Variants in CPEB1 observed in about 807,000 individuals in gnomAD.
The protein encoded by CPEB1 is cytoplasmic polyadenylation element binding protein 1.
A neutral mutation model predicts 65.8 loss-of-function variants in CPEB1; 7 were observed. The ratio of observed to expected loss-of-function variants is 0.11; its 90% confidence interval spans 0.06 to 0.20. The LOEUF is 0.20. Ranked by LOEUF, CPEB1 falls within the 10% of genes least tolerant of loss-of-function variation. The pLI, the probability that CPEB1 is intolerant of heterozygous loss-of-function variation, is 1.00. For synonymous variants in CPEB1, 262 were observed against 260.0 expected (o/e 1.01, Z -0.08); for missense variants, 551 against 712.2 (o/e 0.77, Z 2.58).
At chr15:82,625,537 C>T (rs896209079) in intron 3 of CPEB1, among the ~76,000 whole-genome samples, 1 of 152,162 alleles carries the variant, frequency 6.6e-6, no homozygotes, top group Non-Finnish European at 1.5e-5. Context: ...TCCAGGACCC[C>T]CAGAGTATAC....
Position 82,555,910 on chromosome 15 carries a change from G to A in CPEB1, c.900C>T (p.Phe300=). Residue 300 remains phenylalanine (F), a synonymous_variant, in exon 6 of 13, where the codon TTC becomes TTT. Transcript: ENST00000684509. Reference sequence around the variant, plus strand: ...GCAGCCTGGCCTCTCTCTCTATGCTGAAGGGGTCTTTGGGAGCTTCGAGGA... The same window carrying A: ...GCAGCCTGGCCTCTCTCTCTATGCTAAAGGGGTCTTTGGGAGCTTCGAGGA... ...WDLLEAPKDP[F]SIEREARLHR... 2 of 1,613,828 alleles carry A rather than the reference G, an allele frequency of 1.2e-6. No individual in the cohort carries two copies.
intron 3 of CPEB1, among the ~76,000 whole-genome samples, chr15:82,623,327 T>G (rs2045481721): frequency 6.6e-6 from 1 of 152,190 alleles, no homozygotes; most frequent in Non-Finnish European, 1.5e-5. Context: ...ACACACCATT[T>G]GAAAATTTAT....
intron 3 of CPEB1, among the ~76,000 whole-genome samples, chr15:82,605,421 G>T (rs947260374): frequency 7.9e-5 from 12 of 152,058 alleles, no homozygotes; most frequent in African/African-American, 2.7e-4. Context: ...TGGTAAAAGG[G>T]TACAAAGTTT....
intron 1 of CPEB1, chr15:82,629,895 C>T: frequency 1.0e-6 from 1 of 985,412 alleles, no homozygotes; most frequent in African/African-American, 1.7e-5. Context: ...AGCCTCACGT[C>T]AGCCTCAAGT....
intron 8 of CPEB1, among the ~76,000 whole-genome samples, chr15:82,553,234 A>T (rs1199298000): frequency 2.0e-5 from 3 of 152,178 alleles, no homozygotes; most frequent in Admixed American, 6.5e-5. Flanking sequence ...GGGGTTTCAG[A>T]GGCAACTCCC....
At chr15:82,633,966 A>T (rs1387732237) in intron 1 of CPEB1, among the ~76,000 whole-genome samples, 1 of 145,788 alleles carries the variant, frequency 6.9e-6, no homozygotes, top group Admixed American at 6.9e-5. Flanking sequence ...TAAAGGTATA[A>T]AAAAAAAAAA....
intron 1 of CPEB1, chr15:82,637,913 GATTT>G (rs765796335): frequency 2.4e-6 from 1 of 423,822 alleles, no homozygotes; most frequent in East Asian, 7.1e-5. Context: ...AAAAGGGGTA[GATTT>G]ATTAACCATT....
intron 3 of CPEB1, among the ~76,000 whole-genome samples, chr15:82,613,807 C>CA (rs896881182): frequency 2.6e-5 from 4 of 152,264 alleles, no homozygotes; most frequent in African/African-American, 4.8e-5. Flanking sequence ...ACAAGCTCCC[C>CA]CCGGGGAGAG....
chr15:82,604,798 T>C (rs1567215516), intron 3 of CPEB1, among the ~76,000 whole-genome samples: 1 of 151,808 alleles, frequency 6.6e-6, no homozygotes, highest in Non-Finnish European at 1.5e-5. Flanking sequence ...AAGATACACA[T>C]ATTAGAAGTC....
intron 3 of CPEB1, among the ~76,000 whole-genome samples, chr15:82,576,309 A>G (rs1363575210): frequency 6.6e-6 from 1 of 152,204 alleles, no homozygotes; most frequent in Non-Finnish European, 1.5e-5. Flanking sequence ...CAGGTAGATT[A>G]GGAAGGGGTA....
chr15:82,579,356 G>A (rs544874077), intron 3 of CPEB1, among the ~76,000 whole-genome samples: 1 of 152,126 alleles, frequency 6.6e-6, no homozygotes, highest in Non-Finnish European at 1.5e-5. Context: ...AGCTACTGAG[G>A]AGGTTGAGGC....
At chr15:82,558,763 G>C (rs546883284) in intron 4 of CPEB1, among the ~76,000 whole-genome samples, 2 of 152,146 alleles carry the variant, frequency 1.3e-5, no homozygotes, top group Non-Finnish European at 2.9e-5. Context: ...CAGATGGAAA[G>C]AGCTCAGCAC....
chr15:82,647,890 G>A, upstream of CPEB1: 2 of 1,237,814 alleles, frequency 1.6e-6, no homozygotes, highest in Non-Finnish European at 2.0e-6. Flanking sequence ...GTGGCCCTGC[G>A]GGGCTGACGG....
intron 1 of CPEB1, among the ~76,000 whole-genome samples, chr15:82,644,606 G>A (rs1368619918): frequency 6.6e-6 from 1 of 152,134 alleles, no homozygotes; most frequent in African/African-American, 2.4e-5. Flanking sequence ...AGCCAGTTTA[G>A]AAGCAAGTCA....
At chr15:82,546,578 G>C (rs926983083) in intron 11 of CPEB1, 57 bp from the exon 12 acceptor site, 10 of 1,293,860 alleles carry the variant, frequency 7.7e-6, no homozygotes, top group South Asian at 4.8e-5. Flanking sequence ...AGGCTCGATA[G>C]GCGATAGAAG....
rs560796302 is a variant in CPEB1 at position 82,629,508 on chromosome 15, T to C, written c.-97-952A>G. On this transcript the variant is annotated intron_variant, in intron 1 of 12. Transcript: ENST00000684509. ...CAAAAACTATTCTTTTGGTATTCCC[T>C]ATCTCGGTAAATAACACCACCATCC... is the stretch of plus-strand genomic sequence containing the variant. 8.1e-6 allele frequency: 8 copies of C among 985,382 alleles called. No individual in the cohort carries two copies. In the East Asian group the frequency reaches 9.1e-4, roughly 112 times the overall value. 61.0% of individuals were successfully genotyped at this position (985,382 alleles called of 1,614,324 possible). A position where few individuals can be genotyped will look rare whatever the true frequency, so the allele number is the denominator to read the frequency against.
intron 1 of CPEB1, among the ~76,000 whole-genome samples, chr15:82,635,050 T>C (rs1173893632): frequency 1.3e-5 from 2 of 152,164 alleles, no homozygotes; most frequent in African/African-American, 4.8e-5. Context: ...AGATGGGGTT[T>C]CGCCATGTTG....
intron 3 of CPEB1, among the ~76,000 whole-genome samples, chr15:82,621,448 C>A (rs934264534): frequency 6.6e-6 from 1 of 152,030 alleles, no homozygotes; most frequent in African/African-American, 2.4e-5. Context: ...ATGGAGAAAC[C>A]CCGTCTCTAC....
At chr15:82,554,691 T>C (rs1269952045) in intron 6 of CPEB1, among the ~76,000 whole-genome samples, 2 of 152,236 alleles carry the variant, frequency 1.3e-5, no homozygotes, top group East Asian at 1.9e-4. Context: ...AGCTAGTTCT[T>C]GCCCATTTAT....
Sources: gnomAD v4.1 joint callset for allele counts (sites outside exome capture counted in the v4.1 genomes callset) on GRCh38, gnomAD v4.1.1 for gene constraint, MANE v1.5 for transcripts, NCBI Gene and HGNC (gene_info 2026-07-23, HGNC 2026-07-21) for gene names.